ALG14: variants seen among roughly 807,000 people sequenced by gnomAD.
The protein encoded by ALG14 is UDP-N-acetylglucosamine transferase subunit ALG14.
ALG14 carries 17 observed loss-of-function variants against 22.8 expected under a neutral mutation model. That is an observed-to-expected ratio of 0.75 (90% confidence interval 0.51 to 1.12). The LOEUF (loss-of-function observed/expected upper bound fraction) is 1.12, where lower values mean the gene tolerates loss of function less well. Ranked by LOEUF, ALG14 falls within the 50% of genes most tolerant of loss-of-function variation. ALG14 has a pLI of 0.00. For missense variants in ALG14, 288 were observed against 271.8 expected (o/e 1.06, Z -0.42); for synonymous variants, 89 against 103.7 (o/e 0.86, Z 0.86).
At chr1:94,998,560 G>T (rs755556910) in intron 3 of ALG14, among the ~76,000 whole-genome samples, 2 of 152,106 alleles carry the variant, frequency 1.3e-5, no homozygotes, top group Non-Finnish European at 2.9e-5. Flanking sequence ...TCATCTATAT[G>T]ACTTTATTAA....
intron 3 of ALG14, among the ~76,000 whole-genome samples, chr1:94,993,303 C>A (rs1672823213): frequency 6.9e-6 from 1 of 145,120 alleles, no homozygotes; most frequent in Admixed American, 7.0e-5. Flanking sequence ...ATATATCAGG[C>A]TCCTTCTATC....
rs143636837 is a variant in ALG14 at position 94,984,747 on chromosome 1, G to C, written c.421-1441C>G. On this transcript the variant is annotated intron_variant, in intron 3 of 3. Transcript: ENST00000370205. ...AATAGAAAATGGAACTGAGAGTCAGGGGAACAAGGTTAAACAAACTGCAAA... is the reference window on the plus strand; with the variant it reads ...AATAGAAAATGGAACTGAGAGTCAGCGGAACAAGGTTAAACAAACTGCAAA... Among the ~76,000 whole-genome samples the C allele has an allele frequency of 2.6e-5, 4 of 152,146 alleles. No homozygotes were observed. The East Asian group carries it at 7.7e-4, about 29-fold the overall frequency.
At chr1:95,048,201 CTA>C (rs1674623553) in intron 2 of ALG14, among the ~76,000 whole-genome samples, 1 of 152,148 alleles carries the variant, frequency 6.6e-6, no homozygotes, top group East Asian at 1.9e-4. Context: ...AAACATAAGC[CTA>C]CTTACAGAGT....
intron 3 of ALG14, among the ~76,000 whole-genome samples, chr1:95,026,711 T>C (rs1447302315): frequency 6.6e-6 from 1 of 152,120 alleles, no homozygotes; most frequent in East Asian, 1.9e-4. Context: ...GGCAGATTAC[T>C]TGAGGTCAGG....
chr1:95,037,451 T>G (rs1571635733), intron 2 of ALG14, among the ~76,000 whole-genome samples: 2 of 152,284 alleles, frequency 1.3e-5, no homozygotes, highest in South Asian at 4.1e-4. Context: ...GGAAGAGACA[T>G]GAGGCCAGGA....
Position 94,980,690 on chromosome 1 carries a change from T to C in ALG14, c.*2386A>G, listed in dbSNP as rs1432658303. On this transcript the variant is annotated 3_prime_UTR_variant, in exon 4 of 4. Coordinates refer to ENST00000370205, the MANE Select transcript of ALG14 (RefSeq NM_144988.4). ...CATAACAGTAACACACAGCAGAGCA[T>C]GCACTTGTTTACCAGAGTAATCTGA... 6.6e-6 allele frequency: 1 copy of C among 152,228 alleles called. No individual in the cohort carries two copies. Among genetic ancestry groups the C allele is most frequent in the Non-Finnish European group, 1.5e-5 (1 of 68,056 alleles). The allele number at this position is 152,228 out of a possible 1,614,324, so 9.4% of individuals were successfully genotyped here.
chr1:95,054,386 G>C (rs1674861545), intron 2 of ALG14, among the ~76,000 whole-genome samples: 1 of 152,182 alleles, frequency 6.6e-6, no homozygotes, highest in South Asian at 2.1e-4. Flanking sequence ...CCCATGTGAA[G>C]TGCTGGCTCC....
chr1:95,027,066 C>T (rs1202011470), intron 3 of ALG14, 63 bp downstream of exon 3: 7 of 1,580,408 alleles, frequency 4.4e-6, no homozygotes, highest in South Asian at 2.3e-5. Context: ...ACAGTATGTC[C>T]TGTTACTAAC....
intron 3 of ALG14, among the ~76,000 whole-genome samples, chr1:95,017,424 GAGA>G (rs1673535245): frequency 6.6e-6 from 1 of 152,192 alleles, no homozygotes; most frequent in Non-Finnish European, 1.5e-5. Flanking sequence ...GGAGACCTAG[GAGA>G]AGAATTCCTG....
At chr1:95,044,510 T>C (rs2100802851) in intron 2 of ALG14, among the ~76,000 whole-genome samples, 1 of 152,242 alleles carries the variant, frequency 6.6e-6, no homozygotes, top group South Asian at 2.1e-4. Context: ...TGCACCAACA[T>C]CCAGGAATAT....
intron 3 of ALG14, among the ~76,000 whole-genome samples, chr1:94,998,315 C>T (rs1026640296): frequency 1.3e-5 from 2 of 152,160 alleles, no homozygotes; most frequent in African/African-American, 4.8e-5. Flanking sequence ...GGCTGTCTAA[C>T]CCCATTCAGC....
Position 95,072,808 on chromosome 1 carries a change from C to T in ALG14, c.91G>A (p.Val31Ile), listed in dbSNP as rs1415576362. 6.2e-7 allele frequency: 1 copy of T among 1,614,154 alleles called. No homozygotes were observed. The highest frequency in any genetic ancestry group is 1.1e-5 in the South Asian group (1 of 91,088). The change falls in exon 1 of 4, where the codon GTT (valine) becomes ATT (isoleucine). Residue 31 changes from valine to isoleucine, a missense_variant. Physicochemically the swap from Val to Ile is conservative, Grantham distance 29. Transcript: ENST00000370205. ...ATACTGAGAGACTCCCGGGGCGTAACGTCCATGGAACGAAGCACTACCCAT... is the reference window on the plus strand; with the variant it reads ...ATACTGAGAGACTCCCGGGGCGTAATGTCCATGGAACGAAGCACTACCCAT... ...RIWVVLRSMD[V>I]TPRESLSILV...
chr1:94,993,422 T>C (rs1371542467), intron 3 of ALG14, among the ~76,000 whole-genome samples: 2 of 147,370 alleles, frequency 1.4e-5, no homozygotes, highest in East Asian at 3.9e-4. Flanking sequence ...TTTTATATCT[T>C]TACATATTTA....
chr1:94,983,415 T>A, intron 3 of ALG14, 109 bp from the exon 4 acceptor site: 1 of 893,630 alleles, frequency 1.1e-6, no homozygotes, highest in East Asian at 2.6e-5. Context: ...ATGATTCTAA[T>A]AAGTCCTTCT....
At chr1:95,028,681 C>T (rs1224348288) in intron 2 of ALG14, among the ~76,000 whole-genome samples, 2 of 151,962 alleles carry the variant, frequency 1.3e-5, no homozygotes, top group African/African-American at 4.8e-5. Flanking sequence ...TAGCTGTAGT[C>T]TCAGCTATTT....
intron 3 of ALG14, among the ~76,000 whole-genome samples, chr1:95,005,509 G>A (rs1272268866): frequency 1.3e-5 from 2 of 150,156 alleles, no homozygotes; most frequent in Admixed American, 1.3e-4. Flanking sequence ...CAAAATTAAG[G>A]AAGTAAGACA....
intron 2 of ALG14, among the ~76,000 whole-genome samples, chr1:95,053,759 C>T (rs1449688789): frequency 6.6e-6 from 1 of 152,118 alleles, no homozygotes; most frequent in South Asian, 2.1e-4. Context: ...ATCAAGAAGT[C>T]AAAACAATTT....
At chr1:94,990,014 C>A (rs1436463820) in intron 3 of ALG14, among the ~76,000 whole-genome samples, 1 of 152,152 alleles carries the variant, frequency 6.6e-6, no homozygotes, top group African/African-American at 2.4e-5. Context: ...TGGATGGCGA[C>A]TGCACAGCAA....
chr1:94,990,008 T>C (rs1672734443), intron 3 of ALG14, among the ~76,000 whole-genome samples: 2 of 152,250 alleles, frequency 1.3e-5, no homozygotes, highest in Non-Finnish European at 2.9e-5. Flanking sequence ...AAAACATGGA[T>C]GGCGACTGCA....
Sources: gnomAD v4.1 joint callset for allele counts (sites outside exome capture counted in the v4.1 genomes callset) on GRCh38, gnomAD v4.1.1 for gene constraint, MANE v1.5 for transcripts, NCBI Gene and HGNC (gene_info 2026-07-23, HGNC 2026-07-21) for gene names.